MREG: variants seen among roughly 807,000 people sequenced by gnomAD.
The protein encoded by MREG is dilute suppressor protein homolog.
Under a neutral mutation model 28.5 loss-of-function variants are expected in MREG, and 31 were observed. That is an observed-to-expected ratio of 1.09 (90% CI 0.82 to 1.47). The LOEUF (loss-of-function observed/expected upper bound fraction) is 1.47. Among genes scored for constraint, MREG ranks in the 40% most tolerant of loss-of-function variants. MREG has a pLI of 0.00. For missense variants in MREG, 256 were observed against 257.4 expected (o/e 0.99, Z 0.04); for synonymous variants, 106 against 95.2 (o/e 1.11, Z -0.66).
At chr2:215,948,152 T>TG (rs1692368759) in intron 2 of MREG, among the ~76,000 whole-genome samples, 1 of 152,250 alleles carries the variant, frequency 6.6e-6, no homozygotes, top group Non-Finnish European at 1.5e-5. Context: ...CTAAGTTCTG[T>TG]ACAAGGCTTG....
chr2:216,003,468 T>G (rs1231551496), intron 1 of MREG, among the ~76,000 whole-genome samples: 1 of 152,158 alleles, frequency 6.6e-6, no homozygotes, highest in East Asian at 1.9e-4. Flanking sequence ...GAAGACCCAG[T>G]CCTTGGTGTC....
At chr2:216,026,284 G>C (rs1303310693) in intron 1 of MREG, among the ~76,000 whole-genome samples, 1 of 152,214 alleles carries the variant, frequency 6.6e-6, no homozygotes, top group African/African-American at 2.4e-5. Flanking sequence ...CAAAGATGAT[G>C]ATTACACAAC....
intron 2 of MREG, among the ~76,000 whole-genome samples, chr2:215,954,777 C>T (rs1692581099): frequency 6.6e-6 from 1 of 151,856 alleles, no homozygotes; most frequent in Admixed American, 6.5e-5. Flanking sequence ...GATCTCTGCT[C>T]ACTGCAACCT....
At chr2:215,954,231 T>G (rs899015848) in intron 2 of MREG, among the ~76,000 whole-genome samples, 7 of 152,200 alleles carry the variant, frequency 4.6e-5, no homozygotes, top group Admixed American at 3.3e-4. Context: ...TCAACTCTCT[T>G]ATGAAGACAG....
chr2:215,996,950 C>A (rs1464852476), intron 1 of MREG, among the ~76,000 whole-genome samples: 1 of 152,050 alleles, frequency 6.6e-6, no homozygotes, highest in Non-Finnish European at 1.5e-5. Context: ...CCGGATAATT[C>A]TTTTATTTTT....
upstream of MREG, among the ~76,000 whole-genome samples, chr2:216,015,585 T>C (rs1559200533): frequency 6.6e-6 from 1 of 152,022 alleles, no homozygotes; most frequent in East Asian, 1.9e-4. Flanking sequence ...CTAACTGAGA[T>C]GGTAATAGGA....
At chr2:215,958,432 A>AG (rs1692690729) in intron 2 of MREG, among the ~76,000 whole-genome samples, 3 of 152,140 alleles carry the variant, frequency 2.0e-5, no homozygotes, top group African/African-American at 7.2e-5. Context: ...CAAACATCCA[A>AG]ATGTATGACT....
intron 1 of MREG, among the ~76,000 whole-genome samples, chr2:216,000,119 A>AT (rs1227907630): frequency 6.6e-6 from 1 of 152,244 alleles, no homozygotes; most frequent in African/African-American, 2.4e-5. Context: ...GGCTTGAGCC[A>AT]AGGGCTCCTG....
intron 1 of MREG, among the ~76,000 whole-genome samples, chr2:216,032,156 T>G (rs182862928): frequency 6.6e-6 from 1 of 152,362 alleles, no homozygotes; most frequent in Non-Finnish European, 1.5e-5. Flanking sequence ...AAATCCTTGC[T>G]ATTTAAGTCC....
chr2:215,967,486 A>G (rs926766961), intron 2 of MREG, among the ~76,000 whole-genome samples: 2 of 152,268 alleles, frequency 1.3e-5, no homozygotes, highest in Admixed American at 6.5e-5. Context: ...TTTTATACCC[A>G]TAAATGAAAA....
At chr2:216,027,630 T>G (rs756351946) in intron 1 of MREG, among the ~76,000 whole-genome samples, 1 of 152,102 alleles carries the variant, frequency 6.6e-6, no homozygotes, top group African/African-American at 2.4e-5. Context: ...GAAGCAGAGG[T>G]TGCAGTGAGC....
intron 2 of MREG, among the ~76,000 whole-genome samples, chr2:215,964,057 A>G (rs904296081): frequency 2.6e-4 from 39 of 152,320 alleles, no homozygotes; most frequent in South Asian, 8.3e-4. Context: ...AAGACTTCCA[A>G]GACAACAGAA....
intron 1 of MREG, among the ~76,000 whole-genome samples, chr2:216,019,625 C>G (rs559060425): frequency 6.6e-6 from 1 of 152,032 alleles, no homozygotes; most frequent in African/African-American, 2.4e-5. Context: ...CTGCCTCAGC[C>G]TCCCGAGTAG....
intron 1 of MREG, among the ~76,000 whole-genome samples, chr2:216,028,573 A>C (rs1042696612): frequency 6.6e-6 from 1 of 151,686 alleles, no homozygotes; most frequent in African/African-American, 2.4e-5. Flanking sequence ...AAATATATAC[A>C]GATCAATGGA....
At chr2:215,960,631 C>T (rs949010126) in intron 2 of MREG, among the ~76,000 whole-genome samples, 1 of 148,798 alleles carries the variant, frequency 6.7e-6, no homozygotes, top group Non-Finnish European at 1.5e-5. Flanking sequence ...GTCAGGAGAT[C>T]GAGACCATTC....
chr2:215,946,569 T>G (rs1248777026), intron 3 of MREG, among the ~76,000 whole-genome samples: 2 of 152,304 alleles, frequency 1.3e-5, no homozygotes, highest in East Asian at 3.9e-4. Flanking sequence ...ATGCCACAAG[T>G]GTTTTTCCCA....
intron 2 of MREG, among the ~76,000 whole-genome samples, chr2:215,988,694 G>C (rs974727430): frequency 6.6e-6 from 1 of 152,178 alleles, no homozygotes; most frequent in African/African-American, 2.4e-5. Context: ...TGGGATGCTC[G>C]AGCTTGGTTG....
At chr2:215,990,900 TC>T (rs1375648892) in intron 2 of MREG, among the ~76,000 whole-genome samples, 6 of 151,956 alleles carry the variant, frequency 3.9e-5, no homozygotes, top group Non-Finnish European at 8.8e-5. Context: ...TAAAGCAAAT[TC>T]CTAGAAACAT....
chr2:215,987,884 C>T (rs1693615807), intron 2 of MREG, among the ~76,000 whole-genome samples: 1 of 151,248 alleles, frequency 6.6e-6, no homozygotes. Context: ...GCCTGGGCAA[C>T]AAGAGTGAAA....
Sources: gnomAD v4.1 joint callset for allele counts (sites outside exome capture counted in the v4.1 genomes callset) on GRCh38, gnomAD v4.1.1 for gene constraint, MANE v1.5 for transcripts, NCBI Gene and HGNC (gene_info 2026-07-23, HGNC 2026-07-21) for gene names.